PCDHGB2: variants seen among roughly 807,000 people sequenced by gnomAD.
The protein encoded by PCDHGB2 is protocadherin gamma subfamily B, 2, also known as protocadherin gamma-B2.
PCDHGB2 carries 55 observed loss-of-function variants against 59.3 expected under a neutral mutation model. The ratio of observed to expected loss-of-function variants is 0.93; its 90% CI spans 0.75 to 1.16. The LOEUF is 1.16. Among genes scored for constraint, PCDHGB2 ranks in the 50% most tolerant of loss-of-function variants. The pLI is 0.00. For missense variants in PCDHGB2, 1,228 were observed against 1,198.5 expected (o/e 1.02, Z -0.36); for synonymous variants, 516 against 512.0 (o/e 1.01, Z -0.11).
Position 141,361,459 on chromosome 5 carries a change from A to G in PCDHGB2, c.1324A>G (p.Ile442Val). ...CTCCAGCATAATTGTCACCCTGCAC[A>G]TCTCCGACGTCAACGATAATGCCCC... ...LSSSIIVTLH[I>V]SDVNDNAPVF... The change falls in exon 1 of 4, where the codon ATC (isoleucine) becomes GTC (valine). Residue 442 changes from isoleucine to valine, a missense_variant. By Grantham distance (29) the Ile-to-Val change is conservative (BLOSUM62 3). Coordinates refer to ENST00000522605, the MANE Select transcript of PCDHGB2 (RefSeq NM_018923.3). 4 of 1,614,028 alleles carry G rather than the reference A, an allele frequency of 2.5e-6. No homozygotes were observed. The highest frequency in any genetic ancestry group is 4.5e-5 in the East Asian group (2 of 44,870).
intron 1 of PCDHGB2, among the ~76,000 whole-genome samples, chr5:141,492,854 G>A (rs1361942466): frequency 6.6e-6 from 1 of 152,212 alleles, no homozygotes; most frequent in Non-Finnish European, 1.5e-5. Flanking sequence ...AAAGCCTCGA[G>A]CGCCCTGGCT....
chr5:141,363,918 A>G (rs935421422), intron 1 of PCDHGB2, among the ~76,000 whole-genome samples: 6 of 152,216 alleles, frequency 3.9e-5, no homozygotes, highest in African/African-American at 1.4e-4. Flanking sequence ...AAATTTTTGT[A>G]AGGTATTGAG....
chr5:141,490,482 G>A lies in PCDHGB2; in HGVS notation c.2422-4325G>A. On this transcript the variant is annotated intron_variant, in intron 1 of 3. Coordinates refer to ENST00000522605, the MANE Select transcript of PCDHGB2 (RefSeq NM_018923.3). The surrounding 1 kb of genome is among the most constrained non-coding windows in gnomAD (Gnocchi z 5.4). ...TGCTAACCAGCCAGCCTTTGGACCG[G>A]GAGGCCACATCCCACTATATCATCG... 2.5e-6 allele frequency: 4 copies of A among 1,614,154 alleles called. No homozygotes were observed. In the South Asian group the frequency reaches 4.4e-5, roughly 18 times the overall value.
At chr5:141,465,186 G>T (rs2099098546) in intron 1 of PCDHGB2, among the ~76,000 whole-genome samples, 1 of 151,852 alleles carries the variant, frequency 6.6e-6, no homozygotes, top group African/African-American at 2.4e-5. Flanking sequence ...TTAATTAAAA[G>T]ATAAAAATAA....
intron 1 of PCDHGB2, among the ~76,000 whole-genome samples, chr5:141,435,011 A>G (rs2097737147): frequency 6.6e-6 from 1 of 152,126 alleles, no homozygotes; most frequent in African/African-American, 2.4e-5. Flanking sequence ...TTTATCAATG[A>G]TAATGCTCTT....
At chr5:141,503,474 T>C (rs2099820145) in intron 2 of PCDHGB2, among the ~76,000 whole-genome samples, 1 of 151,828 alleles carries the variant, frequency 6.6e-6, no homozygotes, top group South Asian at 2.1e-4. Context: ...ATGTGTGCAC[T>C]TGTCGTCCCA....
At chr5:141,388,083 C>G in intron 1 of PCDHGB2, 9 of 1,358,266 alleles carry the variant, frequency 6.6e-6, no homozygotes, top group Non-Finnish European at 9.1e-6. Context: ...TCGAAAACTG[C>G]GCGTCAGTTC....
In PCDHGB2 at chr5:141,491,225, T is replaced by G. The variant is rs764111440; in HGVS notation, c.2422-3582T>G. The stretch of plus-strand genomic sequence containing the variant: ...CCTTCACTCTCCTCCACAGCCACAG[T>G]GCTGCTGGTTCTGGAGGATGAGGAC... On this transcript the variant is annotated intron_variant, in intron 1 of 3. Transcript: ENST00000522605. This position sits in a 1 kb window ranked among gnomAD's most constrained non-coding sequence, Gnocchi z 6.9. 6.2e-7 allele frequency: 1 copy of G among 1,614,232 alleles called. No individual in the cohort carries two copies. Among genetic ancestry groups the G allele is most frequent in the Non-Finnish European group, 8.5e-7 (1 of 1,180,028 alleles).
chr5:141,496,723 T>G (rs1312615861), intron 2 of PCDHGB2, among the ~76,000 whole-genome samples: 3 of 152,212 alleles, frequency 2.0e-5, no homozygotes, highest in Non-Finnish European at 4.4e-5. Context: ...AAGTCATTAA[T>G]GTATTCATTC....
At chr5:141,368,582 T>C (rs1765741936) in intron 1 of PCDHGB2, among the ~76,000 whole-genome samples, 1 of 152,032 alleles carries the variant, frequency 6.6e-6, no homozygotes, top group African/African-American at 2.4e-5. Flanking sequence ...TAGGGTAAGG[T>C]GTTTGGGAAA....
At chr5:141,382,717 G>A (rs759719502) in intron 1 of PCDHGB2, 38 of 488,830 alleles carry the variant, frequency 7.8e-5, no homozygotes, top group Non-Finnish European at 9.8e-5. Flanking sequence ...AGAAACCACC[G>A]AGTTTTACAG....
At chr5:141,362,603 C>T (rs749234036) in intron 1 of PCDHGB2, 47 bp downstream of exon 1, 1 of 1,572,606 alleles carries the variant, frequency 6.4e-7, no homozygotes, top group South Asian at 1.2e-5. Flanking sequence ...ATTGTTTCAC[C>T]TAATTTGGGT....
intron 1 of PCDHGB2, chr5:141,427,790 C>A: frequency 1.3e-6 from 2 of 1,482,222 alleles, no homozygotes; most frequent in Non-Finnish European, 1.9e-6. Context: ...TGTCGTCCTA[C>A]GTGTCCGTGA....
chr5:141,413,639 GT>G, intron 1 of PCDHGB2: 1 of 1,613,854 alleles, frequency 6.2e-7, no homozygotes, highest in South Asian at 1.1e-5. Context: ...GCGGGAATGC[GT>G]TTTCCTCTCC....
At chr5:141,471,504 G>A (rs1487198851) in intron 1 of PCDHGB2, 1 of 152,214 alleles carries the variant, frequency 6.6e-6, no homozygotes, top group Non-Finnish European at 1.5e-5. Flanking sequence ...ATGCAAGAGA[G>A]GGAGTAAAAA....
intron 1 of PCDHGB2, chr5:141,408,498 G>A (rs934521153): frequency 1.7e-5 from 27 of 1,613,634 alleles, no homozygotes; most frequent in Non-Finnish European, 2.3e-5. Flanking sequence ...TGCAAAGAGA[G>A]AAGAAGATGT....
chr5:141,472,878 C>G (rs774209715), intron 1 of PCDHGB2, among the ~76,000 whole-genome samples: 1 of 146,132 alleles, frequency 6.8e-6, no homozygotes, highest in East Asian at 2.1e-4. Context: ...CCCAGCTACT[C>G]GGGAGGCTGA....
intron 1 of PCDHGB2, chr5:141,417,205 C>G (rs1217296715): frequency 6.6e-6 from 1 of 151,986 alleles, no homozygotes; most frequent in Non-Finnish European, 1.5e-5. Context: ...TGAATATAGG[C>G]TAGAATTGAA....
At chr5:141,418,868 G>A in intron 1 of PCDHGB2, 2 of 1,613,998 alleles carry the variant, frequency 1.2e-6, no homozygotes, top group Non-Finnish European at 1.7e-6. Flanking sequence ...AATTGTAGAA[G>A]TTGTAGACGA....
Sources: allele counts gnomAD v4.1 joint callset (sites outside exome capture counted in the v4.1 genomes callset), GRCh38; gene constraint gnomAD v4.1.1; non-coding constraint Gnocchi (gnomAD v3.1); transcripts MANE v1.5; gene names NCBI Gene and HGNC (gene_info 2026-07-23, HGNC 2026-07-21).